The following CSMD3 variants were observed in gnomAD, a reference collection of about 807,000 sequenced individuals.
CSMD3 encodes CUB and sushi domain-containing protein 3.
A neutral mutation model predicts 435.2 loss-of-function variants in CSMD3; 177 were observed. The observed-to-expected ratio is 0.41, with a 90% confidence interval of 0.36 to 0.46. The LOEUF (loss-of-function observed/expected upper bound fraction) is 0.46, where lower values mean the gene tolerates loss of function less well. Among genes scored for constraint, CSMD3 ranks in the 20% least tolerant of loss-of-function variants. CSMD3 has a pLI of 0.34. For missense variants in CSMD3, 4,265 were observed against 4,504.6 expected, an observed-to-expected ratio of 0.95 and a Z score of 1.52; for synonymous variants, 1,656 against 1,520.5, an observed-to-expected ratio of 1.09 and a Z score of -2.07.
intron 13 of CSMD3, among the ~76,000 whole-genome samples, chr8:112,732,190 G>A (rs1003320779): frequency 1.5e-4 from 23 of 152,052 alleles, no homozygotes; most frequent in Non-Finnish European, 3.1e-4. Flanking sequence ...CACTGCAAGA[G>A]AAACAAGAGA....
chr8:113,051,917 T>C (rs2088110558), intron 5 of CSMD3, among the ~76,000 whole-genome samples: 1 of 151,932 alleles, frequency 6.6e-6, no homozygotes, highest in South Asian at 2.1e-4. Flanking sequence ...AGGAAATGTT[T>C]TCAAGACTTC....
chr8:112,351,660 A>G (rs1487518200), intron 39 of CSMD3, among the ~76,000 whole-genome samples: 1 of 151,992 alleles, frequency 6.6e-6, no homozygotes, highest in Non-Finnish European at 1.5e-5. Flanking sequence ...AAAACAAGTC[A>G]AAGTATATTA....
intron 5 of CSMD3, among the ~76,000 whole-genome samples, chr8:113,089,869 C>T (rs1301768881): frequency 6.6e-6 from 1 of 151,472 alleles, no homozygotes; most frequent in African/African-American, 2.4e-5. Context: ...ACAAACAAAG[C>T]GAAAAATAAA....
intron 16 of CSMD3, among the ~76,000 whole-genome samples, chr8:112,679,708 G>A (rs2075845386): frequency 1.3e-5 from 2 of 152,090 alleles, no homozygotes; most frequent in African/African-American, 4.8e-5. Context: ...CATGAAGCTA[G>A]GCACCAAGCA....
At chr8:112,363,503 C>T (rs1827462513) in intron 38 of CSMD3, among the ~76,000 whole-genome samples, 1 of 151,956 alleles carries the variant, frequency 6.6e-6, no homozygotes, top group Admixed American at 6.6e-5. Flanking sequence ...ACATGAGAGG[C>T]TTCTTCTATA....
chr8:112,936,921 G>A (rs2083296769), intron 9 of CSMD3, among the ~76,000 whole-genome samples: 1 of 151,830 alleles, frequency 6.6e-6, no homozygotes, highest in South Asian at 2.1e-4. Context: ...ACTACCTGTA[G>A]CCTCAATTGT....
rs1196107424 is a variant in CSMD3, at chr8:113,030,440, A to T, written c.918-11261T>A. Among the ~76,000 whole-genome samples, 392 of 149,516 alleles carry T rather than the reference A, an allele frequency of 2.6e-3. 4 individuals carry two copies. Among genetic ancestry groups the T allele is most frequent in the African/African-American group, 8.8e-3 (362 of 41,146 alleles). On this transcript the variant is annotated intron_variant, in intron 5 of 70. Transcript: ENST00000297405. Reference sequence around the variant, plus strand: ...GGTAAAAAAAAAAAAAAAAAAAAAAAAAAAAGATAAGCATGTAGGCCAATG... The same window carrying T: ...GGTAAAAAAAAAAAAAAAAAAAAAATAAAAAGATAAGCATGTAGGCCAATG...
chr8:113,252,462 T>C (rs540701658), intron 3 of CSMD3, among the ~76,000 whole-genome samples: 1 of 152,194 alleles, frequency 6.6e-6, no homozygotes, highest in Admixed American at 6.6e-5. Context: ...TTATGTATTT[T>C]TTTTTACCGT....
At chr8:113,036,512 A>G (rs1371861922) in intron 5 of CSMD3, among the ~76,000 whole-genome samples, 1 of 152,008 alleles carries the variant, frequency 6.6e-6, no homozygotes, top group Admixed American at 6.6e-5. Flanking sequence ...CAAATACCAC[A>G]TATAATTACC....
chr8:112,849,927 T>C (rs899376750), intron 11 of CSMD3, among the ~76,000 whole-genome samples: 1 of 152,076 alleles, frequency 6.6e-6, no homozygotes, highest in Non-Finnish European at 1.5e-5. Flanking sequence ...CAATGCCTAG[T>C]TTTGAATCCA....
At chr8:112,502,713 C>T (rs1822098911) in intron 30 of CSMD3, among the ~76,000 whole-genome samples, 1 of 152,068 alleles carries the variant, frequency 6.6e-6, no homozygotes, top group Non-Finnish European at 1.5e-5. Flanking sequence ...GCAAATATAG[C>T]ACAGTGTTAA....
chr8:112,350,576 TC>T (rs1269042849), intron 40 of CSMD3, among the ~76,000 whole-genome samples: 1 of 151,894 alleles, frequency 6.6e-6, no homozygotes, highest in Non-Finnish European at 1.5e-5. Flanking sequence ...TTTCTCTTAC[TC>T]TTTACAGCCC....
chr8:113,161,017 T>A (rs1481246313), intron 4 of CSMD3, among the ~76,000 whole-genome samples: 1 of 152,066 alleles, frequency 6.6e-6, no homozygotes, highest in Non-Finnish European at 1.5e-5. Flanking sequence ...GGTTACAATG[T>A]TTGAGGACCA....
intron 3 of CSMD3, among the ~76,000 whole-genome samples, chr8:113,185,986 C>T (rs1200097486): frequency 1.3e-5 from 2 of 152,028 alleles, no homozygotes; most frequent in African/African-American, 4.8e-5. Context: ...CCTGCTGGCA[C>T]ACAAAACCAT....
At chr8:113,017,385 AT>A (rs1419901918) in intron 6 of CSMD3, among the ~76,000 whole-genome samples, 1 of 152,018 alleles carries the variant, frequency 6.6e-6, no homozygotes, top group African/African-American at 2.4e-5. Context: ...TACCAGCTCC[AT>A]GAAATCATAT....
chr8:113,096,718 T>C (rs2090173366), intron 5 of CSMD3, among the ~76,000 whole-genome samples: 1 of 152,084 alleles, frequency 6.6e-6, no homozygotes, highest in Non-Finnish European at 1.5e-5. Flanking sequence ...CATTCTTTTC[T>C]AGCCACAATG....
chr8:112,794,855 TAAAAA>T lies in CSMD3; in HGVS notation c.1972+5302_1972+5306del, dbSNP rs1563967909. 2.0e-5 allele frequency among the ~76,000 whole-genome samples: 3 copies of T among 151,990 alleles called. No homozygotes were observed. In the South Asian group the frequency reaches 6.2e-4, roughly 31 times the overall value. On this transcript the variant is annotated intron_variant, in intron 13 of 70. Coordinates refer to ENST00000297405, the MANE Select transcript of CSMD3 (RefSeq NM_198123.2). ...TTATTTTTTTCAAAGAAACTTTTGTTAAAAAAGAAAATGTACATGAAATGTCCATA... is the reference window on the plus strand; with the variant it reads ...TTATTTTTTTCAAAGAAACTTTTGTTAGAAAATGTACATGAAATGTCCATA...
intron 9 of CSMD3, among the ~76,000 whole-genome samples, chr8:112,947,312 T>A (rs2083645393): frequency 6.6e-6 from 1 of 151,836 alleles, no homozygotes; most frequent in Admixed American, 6.6e-5. Context: ...GATATAAAAC[T>A]TCTACTGAAG....
At chr8:113,308,579 T>G (rs2093841900) in intron 2 of CSMD3, among the ~76,000 whole-genome samples, 1 of 152,198 alleles carries the variant, frequency 6.6e-6, no homozygotes, top group Non-Finnish European at 1.5e-5. Context: ...ATTTAAGCTT[T>G]CTTATGTATA....
Sources: allele counts gnomAD v4.1 joint callset (sites outside exome capture counted in the v4.1 genomes callset), GRCh38; gene constraint gnomAD v4.1.1; transcripts MANE v1.5; gene names NCBI Gene and HGNC (gene_info 2026-07-23, HGNC 2026-07-21).